The following THSD7B variants were observed in gnomAD, a reference collection of about 807,000 sequenced individuals.
THSD7B encodes thrombospondin type 1 domain containing 7B.
Under a neutral mutation model 213.6 loss-of-function variants are expected in THSD7B, and 138 were observed. The observed-to-expected ratio is 0.65, with a 90% CI of 0.56 to 0.74. The LOEUF (loss-of-function observed/expected upper bound fraction) is 0.74, where lower values mean the gene tolerates loss of function less well. Ranked by LOEUF, THSD7B falls within the 30% of genes least tolerant of loss-of-function variation. The probability of loss-of-function intolerance (pLI) is 0.00; values close to 1 mark genes in which losing one functional copy is unlikely to be tolerated. For missense variants in THSD7B, 1,931 were observed against 1,991.5 expected (o/e 0.97, Z 0.58); for synonymous variants, 742 against 687.0 (o/e 1.08, Z -1.25).
At chr2:137,622,607 T>G (rs909778956) in intron 20 of THSD7B, among the ~76,000 whole-genome samples, 3 of 151,556 alleles carry the variant, frequency 2.0e-5, no homozygotes, top group Non-Finnish European at 4.4e-5. Context: ...AGAAAAGAGA[T>G]AAGAATCAAA....
chr2:137,448,668 G>A (rs547449205), intron 14 of THSD7B, among the ~76,000 whole-genome samples: 118 of 152,182 alleles, frequency 7.8e-4, no homozygotes, highest in African/African-American at 2.6e-3. Context: ...GAGCGGTGGC[G>A]GGCGCCTGTA....
At chr2:137,274,363 G>A (rs922355830) in intron 11 of THSD7B, among the ~76,000 whole-genome samples, 1 of 152,044 alleles carries the variant, frequency 6.6e-6, no homozygotes, top group Non-Finnish European at 1.5e-5. Flanking sequence ...CCAAATTAAA[G>A]CAGAATCAAA....
intron 15 of THSD7B, among the ~76,000 whole-genome samples, chr2:137,534,624 T>A (rs772929279): frequency 3.3e-5 from 5 of 151,742 alleles, no homozygotes; most frequent in Non-Finnish European, 7.4e-5. Flanking sequence ...AAGTTTTATG[T>A]ACCTGATACT....
intron 2 of THSD7B, among the ~76,000 whole-genome samples, chr2:136,991,602 A>G (rs1685785760): frequency 6.6e-6 from 1 of 152,126 alleles, no homozygotes; most frequent in African/African-American, 2.4e-5. Context: ...TTTTCAGTGC[A>G]TCTGAGTAGC....
intron 21 of THSD7B, among the ~76,000 whole-genome samples, chr2:137,643,377 A>G (rs1165393925): frequency 3.3e-5 from 5 of 152,234 alleles, no homozygotes; most frequent in Non-Finnish European, 7.3e-5. Flanking sequence ...TCTGCAGAGT[A>G]TTCTCATAGA....
At chr2:137,165,435 G>C (rs1680105989) in intron 6 of THSD7B, among the ~76,000 whole-genome samples, 1 of 152,106 alleles carries the variant, frequency 6.6e-6, no homozygotes, top group South Asian at 2.1e-4. Flanking sequence ...AGCATGTTAT[G>C]ATGACAGCAA....
chr2:136,846,918 C>T (rs946403099), intron 1 of THSD7B, among the ~76,000 whole-genome samples: 2 of 152,082 alleles, frequency 1.3e-5, no homozygotes, highest in South Asian at 2.1e-4. Flanking sequence ...TATATATTCT[C>T]CTGGGTCTGT....
chr2:137,262,083 T>G lies in THSD7B; in HGVS notation c.2267-10450T>G, dbSNP rs1682464618. 2.0e-5 allele frequency among the ~76,000 whole-genome samples: 3 copies of G among 152,160 alleles called. No homozygotes were observed. In the South Asian group the frequency reaches 6.2e-4, roughly 32 times the overall value. ...GGTGCTATCTGTGCCCTTTCTGAGT[T>G]GTGTCCTCACTCTGCTAGCTTCTCT... is the stretch of plus-strand genomic sequence containing the variant. On this transcript the variant is annotated intron_variant, in intron 10 of 27. Transcript: ENST00000409968.
At position 137,365,345 on chromosome 2, in the gene THSD7B, A is replaced by T. The variant is rs146002941; in HGVS notation, c.2501-40268A>T. ...CATAGGCATGGGCAAGGACTTCATG[A>T]CCAAAACACCAAAAGCAATGGCAAC... On this transcript the variant is annotated intron_variant, in intron 12 of 27. Coordinates refer to ENST00000409968, the MANE Select transcript of THSD7B (RefSeq NM_001316349.2). Among the ~76,000 whole-genome samples, 42 of 152,242 alleles carry T rather than the reference A, an allele frequency of 2.8e-4. No individual in the cohort carries two copies. In the East Asian group the frequency reaches 7.1e-3, roughly 26 times the overall value.
chr2:137,283,097 C>T (rs1683072445), intron 12 of THSD7B, among the ~76,000 whole-genome samples: 1 of 151,934 alleles, frequency 6.6e-6, no homozygotes, highest in Non-Finnish European at 1.5e-5. Context: ...AGTGATTTGT[C>T]ATTCTCCTTG....
chr2:137,430,969 A>T (rs1277641374), intron 14 of THSD7B, among the ~76,000 whole-genome samples: 1 of 152,202 alleles, frequency 6.6e-6, no homozygotes, highest in Non-Finnish European at 1.5e-5. Flanking sequence ...GGATGGTTGG[A>T]GGACTGAGCA....
intron 7 of THSD7B, among the ~76,000 whole-genome samples, chr2:137,224,753 G>A (rs567098034): frequency 1.4e-4 from 22 of 151,976 alleles, no homozygotes; most frequent in Non-Finnish European, 2.9e-4. Flanking sequence ...CTCACTGCAA[G>A]CTCCGCCTCC....
At chr2:137,124,141 C>A (rs1021281271) in intron 5 of THSD7B, among the ~76,000 whole-genome samples, 1 of 152,158 alleles carries the variant, frequency 6.6e-6, no homozygotes, top group Non-Finnish European at 1.5e-5. Flanking sequence ...TGGAAAACCA[C>A]GCTGAGACTA....
At chr2:137,384,159 A>G (rs1429676154) in intron 12 of THSD7B, among the ~76,000 whole-genome samples, 1 of 151,866 alleles carries the variant, frequency 6.6e-6, no homozygotes, top group Admixed American at 6.6e-5. Context: ...GGCTTCAAAG[A>G]CTCCAACTAC....
At chr2:137,043,535 C>T (rs1686918966) in intron 2 of THSD7B, among the ~76,000 whole-genome samples, 1 of 152,140 alleles carries the variant, frequency 6.6e-6, no homozygotes, top group Non-Finnish European at 1.5e-5. Context: ...ATCAGTTTTG[C>T]TCCGAGGAGG....
chr2:137,583,543 A>G (rs959733606), intron 17 of THSD7B, among the ~76,000 whole-genome samples: 1 of 152,210 alleles, frequency 6.6e-6, no homozygotes, highest in African/African-American at 2.4e-5. Context: ...ATCCAGTTTC[A>G]GCTTTCTACA....
chr2:136,848,082 G>T lies in THSD7B; in HGVS notation c.-35-34062G>T, dbSNP rs11893192. Among the ~76,000 whole-genome samples, 916 of 152,268 alleles carry T rather than the reference G, an allele frequency of 6.0e-3. 9 individuals are homozygous for T. Among genetic ancestry groups the T allele is most frequent in the African/African-American group, 0.021 (868 of 41,548 alleles). ...TCTGCAAATACAGAGACCATTATTT[G>T]TAGCATCAAAGATGTAAGAGATCTT... On this transcript the variant is annotated intron_variant, in intron 1 of 27. Coordinates refer to ENST00000409968, the MANE Select transcript of THSD7B (RefSeq NM_001316349.2).
intron 2 of THSD7B, among the ~76,000 whole-genome samples, chr2:136,928,236 T>A (rs114001106): frequency 0.011 from 1,608 of 152,318 alleles, 20 homozygotes; most frequent in African/African-American, 0.037. Flanking sequence ...AAAGTGTATC[T>A]TATAATAAAG....
At chr2:137,156,194 A>G (rs957316431) in intron 5 of THSD7B, 7 of 152,182 alleles carry the variant, frequency 4.6e-5, no homozygotes, top group African/African-American at 1.7e-4. Flanking sequence ...TGAAGCTGGT[A>G]AGTTCTTTGT....
Sources: allele counts gnomAD v4.1 joint callset (sites outside exome capture counted in the v4.1 genomes callset), GRCh38; gene constraint gnomAD v4.1.1; transcripts MANE v1.5; gene names NCBI Gene and HGNC (gene_info 2026-07-23, HGNC 2026-07-21).